The following TMEM259 variants were observed in gnomAD, a reference collection of about 807,000 sequenced individuals.
TMEM259 encodes the protein membralin.
TMEM259 carries 26 observed loss-of-function variants against 46.7 expected under a neutral mutation model. The ratio of observed to expected loss-of-function variants is 0.56; its 90% CI spans 0.41 to 0.77. TMEM259 has a LOEUF of 0.77. Among genes scored for constraint, TMEM259 ranks in the 30% least tolerant of loss-of-function variants. The pLI, the probability that TMEM259 is intolerant of heterozygous loss-of-function variation, is 0.00. For missense variants in TMEM259, 930 were observed against 900.5 expected, an observed-to-expected ratio of 1.03 and a Z score of -0.42; for synonymous variants, 494 against 395.1, an observed-to-expected ratio of 1.25 and a Z score of -2.97.
At position 1,010,405 on chromosome 19, in the gene TMEM259, C is replaced by G; in HGVS notation, c.1808G>C (p.Gly603Ala). Residue 603 changes from glycine to alanine, a missense_variant, in exon 11 of 11, where the codon GGG (glycine) becomes GCG (alanine). Coordinates refer to ENST00000356663, the MANE Select transcript of TMEM259 (RefSeq NM_001033026.2). ...DTTPLGAAVGGPSPASMAPTE... is the reference protein window; with the variant it reads ...DTTPLGAAVGAPSPASMAPTE... ...TGGGGCCATGGAGGCCGGGCTAGGC[C>G]CGCCTACCGCAGCCCCCAGGGGAGT... 1 of 1,517,932 alleles carries G rather than the reference C, an allele frequency of 6.6e-7. No individual in the cohort carries two copies. Among genetic ancestry groups the G allele is most frequent in the Non-Finnish European group, 8.8e-7 (1 of 1,137,918 alleles). 94.0% of individuals were successfully genotyped at this position (1,517,932 alleles called of 1,614,324 possible). A position where few individuals can be genotyped will look rare whatever the true frequency, so the allele number is the denominator to read the frequency against.
At chr19:1,012,330 G>A (rs979564517) in intron 4 of TMEM259, 133 bp downstream of exon 4, 1 of 1,496,348 alleles carries the variant, frequency 6.7e-7, no homozygotes, top group African/African-American at 1.4e-5. Flanking sequence ...CCCAGCCCTG[G>A]GAAGCGTGCC....
At chr19:1,013,416 G>A (rs1159771693) in intron 2 of TMEM259, 76 bp from the exon 3 acceptor site, 7 of 1,448,974 alleles carry the variant, frequency 4.8e-6, no homozygotes, top group Non-Finnish European at 5.8e-6. Flanking sequence ...ATACAGTCCT[G>A]CTAATGGGAA....
In TMEM259 at chr19:1,010,048, C is replaced by T. The variant is rs945391705; in HGVS notation, c.*302G>A. ...CTCAGAGACCTGCACCATGGGACCCCACTCCATCCTCAGGACGGTTCACTG... is the reference window on the plus strand; with the variant it reads ...CTCAGAGACCTGCACCATGGGACCCTACTCCATCCTCAGGACGGTTCACTG... On this transcript the variant is annotated 3_prime_UTR_variant, in exon 11 of 11. Transcript: ENST00000356663. 5.0e-6 allele frequency: 2 copies of T among 399,672 alleles called. No homozygotes were observed. The highest frequency in any genetic ancestry group is 8.9e-6 in the Non-Finnish European group (2 of 225,100). The allele number at this position is 399,672 out of a possible 1,614,324, so 24.8% of individuals were successfully genotyped here.
At position 1,011,428 on chromosome 19, in the gene TMEM259, G is replaced by C; in HGVS notation, c.1156C>G (p.Leu386Val). 1 of 1,571,336 alleles carries C rather than the reference G, an allele frequency of 6.4e-7. No individual in the cohort carries two copies. Among genetic ancestry groups the C allele is most frequent in the South Asian group, 1.2e-5 (1 of 86,090 alleles). The change falls in exon 9 of 11, where the codon CTC becomes GTC. Residue 386 changes from leucine (L) to valine (V), a missense_variant. Physicochemically the swap from Leu to Val is conservative, Grantham distance 32. Transcript: ENST00000356663. ...TAFYIILIVW[L>V]ADQYDAICCH... is the part of the protein sequence containing the mutation. ...CAGATGGCGTCATACTGGTCCGCGA[G>C]CCACACGATGAGGATGATGTAGAAG...
intron 2 of TMEM259, 81 bp downstream of exon 2, chr19:1,014,111 C>G: frequency 1.9e-5 from 29 of 1,496,304 alleles, no homozygotes; most frequent in Non-Finnish European, 2.5e-5. Flanking sequence ...AACATCCTGT[C>G]GATGTCAGGA....
At chr19:1,012,602 G>A in intron 3 of TMEM259, 29 bp from the exon 4 acceptor site, 2 of 1,549,900 alleles carry the variant, frequency 1.3e-6, no homozygotes, top group Non-Finnish European at 8.7e-7. Flanking sequence ...GACCAGGTCA[G>A]CGCCCCCACA....
At chr19:1,017,058 C>T (rs2189526) in intron 1 of TMEM259, among the ~76,000 whole-genome samples, 25,093 of 152,116 alleles carry the variant, frequency 0.16, 2,110 homozygotes, top group South Asian at 0.24. Flanking sequence ...GGACAAGGCC[C>T]GTTGCCGCCA....
intron 1 of TMEM259, among the ~76,000 whole-genome samples, chr19:1,016,434 G>A (rs890863311): frequency 6.6e-6 from 1 of 152,262 alleles, no homozygotes; most frequent in African/African-American, 2.4e-5. Context: ...CAGGAGAGAG[G>A]GGCCCGCGAG....
At chr19:1,012,429 A>T in intron 4 of TMEM259, 34 bp downstream of exon 4, 1 of 1,553,298 alleles carries the variant, frequency 6.4e-7, no homozygotes, top group Non-Finnish European at 8.7e-7. Context: ...AGGCCCCGCC[A>T]TGGAGCTCCC....
intron 1 of TMEM259, among the ~76,000 whole-genome samples, chr19:1,018,266 C>T (rs1418114172): frequency 6.6e-6 from 1 of 152,232 alleles, no homozygotes; most frequent in African/African-American, 2.4e-5. Context: ...GGAACACAGG[C>T]CCCTGCCGCC....
At chr19:1,011,046 G>A in intron 10 of TMEM259, 50 bp downstream of exon 10, 1 of 1,557,064 alleles carries the variant, frequency 6.4e-7, no homozygotes, top group Non-Finnish European at 8.7e-7. Flanking sequence ...AGCCTCTCCT[G>A]CCTGGAAAGG....
At chr19:1,014,553 A>G in intron 1 of TMEM259, 80 bp from the exon 2 acceptor site, 1 of 886,470 alleles carries the variant, frequency 1.1e-6, no homozygotes, top group Non-Finnish European at 1.6e-6. Flanking sequence ...ATGGGGCGTG[A>G]TGGGGCGCGC....
At chr19:1,015,045 C>A (rs2039063216) in intron 1 of TMEM259, among the ~76,000 whole-genome samples, 1 of 152,250 alleles carries the variant, frequency 6.6e-6, no homozygotes, top group South Asian at 2.1e-4. Flanking sequence ...CCTGCCTCAC[C>A]TTCCGCTGCG....
At position 1,010,812 on chromosome 19, in the gene TMEM259, C is replaced by T. The variant is rs779607928; in HGVS notation, c.1401G>A (p.Ala467=). Residue 467 remains alanine (A), a synonymous_variant, in exon 11 of 11, where the codon GCG becomes GCA. Transcript: ENST00000356663. Reference sequence around the variant, plus strand: ...TGGGGGTCCCGGGGCCCAGTGGCGGCGCCTGAAGCAGCATCTCCTGGATGC... The same window carrying T: ...TGGGGGTCCCGGGGCCCAGTGGCGGTGCCTGAAGCAGCATCTCCTGGATGC... ...QVRIQEMLLQ[A]PPLGPGTPTA... is the part of the protein sequence containing the mutation. 58 of 1,582,108 alleles carry T rather than the reference C, an allele frequency of 3.7e-5. No individual in the cohort carries two copies. Among genetic ancestry groups the T allele is most frequent in the Non-Finnish European group, 4.9e-5 (57 of 1,172,786 alleles).
At position 1,010,850 on chromosome 19, in the gene TMEM259, G is replaced by C. The variant is rs775510259; in HGVS notation, c.1363C>G (p.Leu455Val). Reference sequence around the variant, plus strand: ...ATCTCCTGGATGCGGACCTGCTGCAGGATGGCAGGCAGCTCGTAGTGGTGG... The same window carrying C: ...ATCTCCTGGATGCGGACCTGCTGCACGATGGCAGGCAGCTCGTAGTGGTGG... ...FFHHYELPAI[L>V]QQVRIQEMLL... Residue 455 changes from leucine (L) to valine (V), a missense_variant, in exon 11 of 11, where the codon CTG becomes GTG. By Grantham distance (32) the Leu-to-Val change is conservative (BLOSUM62 1). Coordinates refer to ENST00000356663, the MANE Select transcript of TMEM259 (RefSeq NM_001033026.2). The C allele has an allele frequency of 1.0e-5, 16 of 1,594,240 alleles. No homozygotes were observed. The highest frequency in any genetic ancestry group is 1.7e-4 in the Middle Eastern group (1 of 6,018).
intron 1 of TMEM259, among the ~76,000 whole-genome samples, chr19:1,017,975 G>A (rs1242045043): frequency 2.0e-5 from 3 of 152,262 alleles, no homozygotes; most frequent in Non-Finnish European, 2.9e-5. Context: ...AGGGCCCCTG[G>A]GGTCTCACAT....
At chr19:1,015,314 G>T (rs1350056835) in intron 1 of TMEM259, among the ~76,000 whole-genome samples, 2 of 152,326 alleles carry the variant, frequency 1.3e-5, no homozygotes, top group Non-Finnish European at 2.9e-5. Flanking sequence ...GTCACAATTG[G>T]GGGAGCTCCT....
Position 1,011,088 on chromosome 19 carries a change from G to C in TMEM259, c.1317+8C>G, listed in dbSNP as rs1029608828. Reference sequence around the variant, plus strand: ...TGGCCTGCCCCCTGCTTGCCGCCCAGGCCTCACCTGGATGAAGAGCCAGGA... The same window carrying C: ...TGGCCTGCCCCCTGCTTGCCGCCCACGCCTCACCTGGATGAAGAGCCAGGA... On this transcript the variant is annotated splice_region_variant and intron_variant, in intron 10 of 10. Transcript: ENST00000356663. 4 of 1,579,674 alleles carry C rather than the reference G, an allele frequency of 2.5e-6. No homozygotes were observed. The African/African-American group carries it at 5.4e-5, about 21-fold the overall frequency.
chr19:1,015,492 A>G (rs1309453394), intron 1 of TMEM259, among the ~76,000 whole-genome samples: 2 of 152,120 alleles, frequency 1.3e-5, no homozygotes, highest in African/African-American at 4.8e-5. Context: ...TCTTCCAGGG[A>G]GCCCGCCTCA....
Sources: gnomAD v4.1 joint callset for allele counts (sites outside exome capture counted in the v4.1 genomes callset) on GRCh38, gnomAD v4.1.1 for gene constraint, MANE v1.5 for transcripts, NCBI Gene and HGNC (gene_info 2026-07-23, HGNC 2026-07-21) for gene names.